CLEC2A: variants seen among roughly 807,000 people sequenced by gnomAD.
The protein encoded by CLEC2A is keratinocyte-associated C-type lectin.
CLEC2A carries 19 observed loss-of-function variants against 18.6 expected under a neutral mutation model. The ratio of observed to expected loss-of-function variants is 1.02; its 90% CI spans 0.71 to 1.50. The LOEUF is 1.50. Ranked by LOEUF, CLEC2A falls within the 40% of genes most tolerant of loss-of-function variation. CLEC2A has a pLI of 0.00. For missense variants in CLEC2A, 190 were observed against 207.9 expected, an observed-to-expected ratio of 0.91 and a Z score of 0.53; for synonymous variants, 74 against 64.0, an observed-to-expected ratio of 1.16 and a Z score of -0.75.
chr12:9,904,983 C>T (rs1338507549), intron 4 of CLEC2A, among the ~76,000 whole-genome samples: 1 of 152,168 alleles, frequency 6.6e-6, no homozygotes, highest in African/African-American at 2.4e-5. Flanking sequence ...TACTTATCTA[C>T]ATTTGATAGC....
chr12:9,926,192 A>C (rs1863268723), intron 2 of CLEC2A, 68 bp downstream of exon 2: 2 of 941,852 alleles, frequency 2.1e-6, no homozygotes, highest in South Asian at 3.0e-5. Context: ...TTTGGAGTTA[A>C]ACTTGAGATA....
the CLEC2A span, among the ~76,000 whole-genome samples, chr12:9,884,614 AAT>A: frequency 2.1e-3 from 314 of 148,580 alleles, 3 homozygotes; most frequent in African/African-American, 7.3e-3. Flanking sequence ...TATTTTATAT[AAT>A]ATGTTATAAC....
chr12:9,885,574 A>T, the CLEC2A span, among the ~76,000 whole-genome samples: 1 of 151,916 alleles, frequency 6.6e-6, no homozygotes, highest in African/African-American at 2.4e-5. Context: ...AGATTTCTAA[A>T]AATAGGTGAG....
rs904967430 is a variant in CLEC2A at position 9,923,723 on chromosome 12, A to G, written c.140-1491T>C. Among the ~76,000 whole-genome samples, 5 of 152,200 alleles carry G rather than the reference A, an allele frequency of 3.3e-5. No homozygotes were observed. In the South Asian group the frequency reaches 8.3e-4, roughly 25 times the overall value. On this transcript the variant is annotated intron_variant, in intron 2 of 4. Transcript: ENST00000455827. ...ACTGGATTAAGAAAATGTGGCACAT[A>G]TACACCATGGAATACTATGCAGCCT...
the CLEC2A span, among the ~76,000 whole-genome samples, chr12:9,878,403 G>A: frequency 6.6e-5 from 10 of 152,224 alleles, no homozygotes; most frequent in East Asian, 1.5e-3. Context: ...ATGCCATGAA[G>A]GAATAATGTC....
chr12:9,888,126 A>T, the CLEC2A span, among the ~76,000 whole-genome samples: 3 of 151,588 alleles, frequency 2.0e-5, no homozygotes, highest in South Asian at 6.2e-4. Flanking sequence ...AATGTCAATT[A>T]AAAAGTCCAG....
At chr12:9,908,718 AT>A (rs1300098630), downstream of CLEC2A, among the ~76,000 whole-genome samples, 1 of 152,290 alleles carries the variant, frequency 6.6e-6, no homozygotes, top group African/African-American at 2.4e-5. Context: ...GTTCTTCCAC[AT>A]TTAAAACATC....
the CLEC2A span, chr12:9,881,423 A>G: frequency 1.8e-6 from 1 of 546,752 alleles, no homozygotes; most frequent in Non-Finnish European, 3.2e-6. Context: ...TCATTTACCA[A>G]CACATCCTGT....
At chr12:9,927,955 G>A (rs1591797186) in intron 1 of CLEC2A, among the ~76,000 whole-genome samples, 1 of 151,936 alleles carries the variant, frequency 6.6e-6, no homozygotes, top group East Asian at 1.9e-4. Context: ...TACACAAAAG[G>A]TATTGAAACA....
the CLEC2A span, among the ~76,000 whole-genome samples, chr12:9,880,072 G>A: frequency 6.2e-3 from 939 of 152,284 alleles, 8 homozygotes; most frequent in African/African-American, 0.022. Flanking sequence ...TACGGCAGCT[G>A]GAATAGATGC....
downstream of CLEC2A, among the ~76,000 whole-genome samples, chr12:9,895,175 C>T (rs557627750): frequency 6.6e-6 from 1 of 152,346 alleles, no homozygotes; most frequent in Non-Finnish European, 1.5e-5. Context: ...TCCCAACTCA[C>T]ATCATTATAG....
chr12:9,911,298 G>A (rs1458959995), downstream of CLEC2A, among the ~76,000 whole-genome samples: 1 of 152,168 alleles, frequency 6.6e-6, no homozygotes, highest in Admixed American at 6.5e-5. Context: ...GCAAGAGCAG[G>A]AGGGCTGTTT....
chr12:9,926,661 A>C (rs146182023), intron 1 of CLEC2A, among the ~76,000 whole-genome samples: 28 of 152,320 alleles, frequency 1.8e-4, no homozygotes, highest in African/African-American at 6.3e-4. Flanking sequence ...GCAAAAAGGC[A>C]TAAAGATCAT....
chr12:9,883,297 G>A, the CLEC2A span, among the ~76,000 whole-genome samples: 1 of 152,124 alleles, frequency 6.6e-6, no homozygotes, highest in Admixed American at 6.5e-5. Flanking sequence ...AATACAATTA[G>A]TGTTCTTGCA....
chr12:9,883,357 G>A, the CLEC2A span, among the ~76,000 whole-genome samples: 2 of 152,184 alleles, frequency 1.3e-5, no homozygotes, highest in Non-Finnish European at 2.9e-5. Flanking sequence ...ATAGCCCTGT[G>A]TAAGCCAATG....
chr12:9,929,069 AC>A (rs1194789619), intron 1 of CLEC2A, among the ~76,000 whole-genome samples: 1 of 152,136 alleles, frequency 6.6e-6, no homozygotes, highest in Non-Finnish European at 1.5e-5. Context: ...TAAAAACAAC[AC>A]TTCTAGTATA....
At chr12:9,905,591 G>A (rs1359734543) in intron 4 of CLEC2A, among the ~76,000 whole-genome samples, 2 of 152,112 alleles carry the variant, frequency 1.3e-5, no homozygotes, top group Admixed American at 1.3e-4. Context: ...CAATGGGGAG[G>A]CATTTAGTCC....
the CLEC2A span, among the ~76,000 whole-genome samples, chr12:9,892,310 T>C: frequency 1.3e-5 from 2 of 152,260 alleles, no homozygotes; most frequent in Admixed American, 1.3e-4. Flanking sequence ...AATGCATCAG[T>C]AATAGTAAGT....
intron 4 of CLEC2A, among the ~76,000 whole-genome samples, chr12:9,904,491 CT>C (rs1477520269): frequency 6.6e-6 from 1 of 152,160 alleles, no homozygotes; most frequent in African/African-American, 2.4e-5. Flanking sequence ...TGCCTTAAAT[CT>C]TTTACCTCTA....
Sources: allele counts gnomAD v4.1 joint callset (sites outside exome capture counted in the v4.1 genomes callset), GRCh38; gene constraint gnomAD v4.1.1; transcripts MANE v1.5; gene names NCBI Gene and HGNC (gene_info 2026-07-23, HGNC 2026-07-21).